KIDINS220: variants seen among roughly 807,000 people sequenced by gnomAD.
KIDINS220 encodes kinase D interacting substrate 220.
Under a neutral mutation model 157.6 loss-of-function variants are expected in KIDINS220, and 63 were observed. The observed-to-expected ratio is 0.40, with a 90% CI of 0.33 to 0.49. The LOEUF (loss-of-function observed/expected upper bound fraction) is 0.49. Ranked by LOEUF, KIDINS220 falls within the 20% of genes least tolerant of loss-of-function variation. The pLI, the probability that KIDINS220 is intolerant of heterozygous loss-of-function variation, is 0.66. For synonymous variants in KIDINS220, 732 were observed against 783.6 expected, an observed-to-expected ratio of 0.93 and a Z score of 1.10; for missense variants, 1,772 against 2,171.2, an observed-to-expected ratio of 0.82 and a Z score of 3.65.
intron 22 of KIDINS220, 108 bp from the exon 23 acceptor site, chr2:8,751,752 T>C (rs1030981903): frequency 2.2e-5 from 17 of 769,082 alleles, no homozygotes; most frequent in Middle Eastern, 3.8e-4. Flanking sequence ...CTTGGTCTGA[T>C]GGATTTGGTC....
intron 13 of KIDINS220, among the ~76,000 whole-genome samples, 161 bp downstream of exon 13, chr2:8,790,886 TTTAGAAAGAGAAC>T (rs1673092842): frequency 6.8e-6 from 1 of 146,758 alleles, no homozygotes; most frequent in Non-Finnish European, 1.6e-5. Context: ...TTGGATCTGC[TTTAGAAAGAGAAC>T]TCAAATGACC....
chr2:8,762,656 G>A (rs1267851881), intron 22 of KIDINS220, among the ~76,000 whole-genome samples: 7 of 152,150 alleles, frequency 4.6e-5, no homozygotes, highest in Admixed American at 1.3e-4. Context: ...GGAGAATGGC[G>A]TGAACCCAGG....
intron 26 of KIDINS220, 116 bp from the exon 27 acceptor site, chr2:8,737,115 C>A: frequency 1.0e-6 from 1 of 989,916 alleles, no homozygotes; most frequent in Non-Finnish European, 1.5e-6. Flanking sequence ...TAAAAAAAAA[C>A]AAATATGTTT....
chr2:8,745,775 A>G (rs1255705327), intron 26 of KIDINS220, among the ~76,000 whole-genome samples: 1 of 152,188 alleles, frequency 6.6e-6, no homozygotes, highest in Admixed American at 6.5e-5. Context: ...CTCCAGCCTG[A>G]GCAAAAGAGC....
At position 8,780,768 on chromosome 2, in the gene KIDINS220, T is replaced by C. The variant is rs1405078096; in HGVS notation, c.2230-954A>G. On this transcript the variant is annotated intron_variant, in intron 17 of 29. Coordinates refer to ENST00000256707, the MANE Select transcript of KIDINS220 (RefSeq NM_020738.4). ...TAGGGCAACCACTCAAAAAAAACAG[T>C]TTAAAAAAAAGTACAACTGATATGC... is the stretch of plus-strand genomic sequence containing the variant. Among the ~76,000 whole-genome samples, 5 of 150,094 alleles carry C rather than the reference T, an allele frequency of 3.3e-5. No homozygotes were observed. The East Asian group carries it at 9.8e-4, about 29-fold the overall frequency.
rs778914249 is a variant in KIDINS220, at chr2:8,730,981, C to T, written c.5055G>A (p.Leu1685=). ...NLNRTPSTVT[L]NNNSAPANRA... is the part of the protein sequence containing the mutation. ...TGTTGGCTGGAGCACTATTGTTGTT[C>T]AGAGTCACGGTGCTGGGAGTTCGGT... Residue 1685 remains leucine (L), a synonymous_variant, in exon 30 of 30, where the codon CTG becomes CTA. Coordinates refer to ENST00000256707, the MANE Select transcript of KIDINS220 (RefSeq NM_020738.4). 15 of 1,614,092 alleles carry T rather than the reference C, an allele frequency of 9.3e-6. No individual in the cohort carries two copies. In the Admixed American group the frequency reaches 2.0e-4, roughly 22 times the overall value.
chr2:8,810,686 T>TGACACAGGAGAATCGCTTG (rs1291290031), intron 6 of KIDINS220, among the ~76,000 whole-genome samples: 1 of 152,070 alleles, frequency 6.6e-6, no homozygotes, highest in Non-Finnish European at 1.5e-5. Flanking sequence ...CTCAGAAGGC[T>TGACACAGGAGAATCGCTTG]GACACAGGAG....
chr2:8,755,514 T>A (rs1258057752), intron 22 of KIDINS220, among the ~76,000 whole-genome samples: 1 of 152,252 alleles, frequency 6.6e-6, no homozygotes, highest in Non-Finnish European at 1.5e-5. Flanking sequence ...AGGAATAAAC[T>A]ACACATGCAC....
intron 22 of KIDINS220, among the ~76,000 whole-genome samples, chr2:8,767,192 T>C (rs988640986): frequency 6.6e-6 from 1 of 152,146 alleles, no homozygotes; most frequent in Non-Finnish European, 1.5e-5. Flanking sequence ...GATAAAGATA[T>C]GGATAAAATA....
At chr2:8,762,577 A>T (rs1030471356) in intron 22 of KIDINS220, among the ~76,000 whole-genome samples, 7 of 152,088 alleles carry the variant, frequency 4.6e-5, no homozygotes, top group Admixed American at 2.0e-4. Context: ...CTCTATTAAA[A>T]ATACAAAAAA....
At chr2:8,793,692 G>A in intron 12 of KIDINS220, 118 bp downstream of exon 12, 1 of 875,368 alleles carries the variant, frequency 1.1e-6, no homozygotes, top group Non-Finnish European at 1.7e-6. Context: ...TCCCACCTCG[G>A]CCTCCTCAAG....
intron 26 of KIDINS220, among the ~76,000 whole-genome samples, chr2:8,737,507 TTCA>T (rs1418846237): frequency 1.3e-5 from 2 of 152,250 alleles, no homozygotes; most frequent in African/African-American, 2.4e-5. Context: ...TTTTCAGATC[TTCA>T]TCATATTGTA....
At chr2:8,792,248 G>A (rs1673293987) in intron 12 of KIDINS220, among the ~76,000 whole-genome samples, 1 of 152,104 alleles carries the variant, frequency 6.6e-6, no homozygotes, top group Admixed American at 6.5e-5. Flanking sequence ...TGCAGGAAAA[G>A]ACTAATGAAT....
intron 25 of KIDINS220, 50 bp from the exon 26 acceptor site, chr2:8,747,251 C>A: frequency 5.3e-6 from 8 of 1,500,056 alleles, no homozygotes; most frequent in Non-Finnish European, 7.4e-6. Flanking sequence ...AGGGGGGAGC[C>A]AAACTGTGAA....
intron 20 of KIDINS220, among the ~76,000 whole-genome samples, 198 bp from the exon 21 acceptor site, chr2:8,777,090 T>C (rs1450169735): frequency 6.6e-6 from 1 of 152,254 alleles, no homozygotes; most frequent in Non-Finnish European, 1.5e-5. Context: ...TCACAGCAAC[T>C]GCATGAAATG....
At position 8,827,631 on chromosome 2, in the gene KIDINS220, C is replaced by T. The variant is rs945792951; in HGVS notation, c.-36-502G>A. Among the ~76,000 whole-genome samples the T allele has an allele frequency of 2.6e-5, 4 of 152,140 alleles. No individual in the cohort carries two copies. The East Asian group carries it at 5.8e-4, about 22-fold the overall frequency. On this transcript the variant is annotated intron_variant, in intron 1 of 29. Coordinates refer to ENST00000256707, the MANE Select transcript of KIDINS220 (RefSeq NM_020738.4). ...CGTGACTCACCTGCGTCACTATCATCGCTTCCTAACTGGCCTCCCTGCCTC... is the reference window on the plus strand; with the variant it reads ...CGTGACTCACCTGCGTCACTATCATTGCTTCCTAACTGGCCTCCCTGCCTC...
rs1158181513 is a variant in KIDINS220, at chr2:8,800,414, C to T, written c.886G>A (p.Asp296Asn). ...ATCACACATACCTGTCCTCTAATGT[C>T]TATATCAGCATATTTTTGGAGAAGC... ...RALLQKYADI[D>N]IRGQDNKTAL... The change falls in exon 9 of 30, where the codon GAC becomes AAC. Residue 296 changes from aspartate (D) to asparagine (N), a missense_variant. Coordinates refer to ENST00000256707, the MANE Select transcript of KIDINS220 (RefSeq NM_020738.4). 6.2e-7 allele frequency: 1 copy of T among 1,611,856 alleles called. No homozygotes were observed. Among genetic ancestry groups the T allele is most frequent in the South Asian group, 1.1e-5 (1 of 90,836 alleles).
intron 26 of KIDINS220, 63 bp downstream of exon 26, chr2:8,747,082 A>C (rs901992694): frequency 1.4e-6 from 2 of 1,427,326 alleles, no homozygotes; most frequent in African/African-American, 2.8e-5. Context: ...CAATTAAGAC[A>C]GTCATTACTG....
chr2:8,776,663 A>G (rs1670993190), intron 21 of KIDINS220, 85 bp downstream of exon 21: 1 of 1,239,896 alleles, frequency 8.1e-7, no homozygotes, highest in African/African-American at 1.5e-5. Flanking sequence ...TATACACACA[A>G]TACATACCTT....
Sources: gnomAD v4.1 joint callset for allele counts (sites outside exome capture counted in the v4.1 genomes callset) on GRCh38, gnomAD v4.1.1 for gene constraint, MANE v1.5 for transcripts, NCBI Gene and HGNC (gene_info 2026-07-23, HGNC 2026-07-21) for gene names.